The following LMTK2 variants were observed in gnomAD, a reference collection of about 807,000 sequenced individuals.
LMTK2 encodes lemur tail kinase 2.
Under a neutral mutation model 127.5 loss-of-function variants are expected in LMTK2, and 37 were observed. The ratio of observed to expected loss-of-function variants is 0.29; its 90% CI spans 0.22 to 0.38. The LOEUF (loss-of-function observed/expected upper bound fraction) is 0.38. Among genes scored for constraint, LMTK2 ranks in the 10% least tolerant of loss-of-function variants. The pLI is 1.00. For missense variants in LMTK2, 1,694 were observed against 1,920.3 expected (o/e 0.88, Z 2.20); for synonymous variants, 819 against 810.1 (o/e 1.01, Z -0.19).
chr7:98,185,189 G>A (rs539117119), intron 8 of LMTK2, 54 bp downstream of exon 8: 5 of 1,263,926 alleles, frequency 4.0e-6, no homozygotes, highest in Admixed American at 3.5e-5. Flanking sequence ...TTGTGAAGTT[G>A]TAATGTCACC....
intron 1 of LMTK2, among the ~76,000 whole-genome samples, chr7:98,127,265 A>G (rs552301849): frequency 6.6e-6 from 1 of 152,276 alleles, no homozygotes; most frequent in Non-Finnish European, 1.5e-5. Context: ...TCTGGGCTGC[A>G]GTGCTACTTG....
At chr7:98,114,048 G>A (rs147327767) in intron 1 of LMTK2, among the ~76,000 whole-genome samples, 9 of 151,540 alleles carry the variant, frequency 5.9e-5, no homozygotes, top group Non-Finnish European at 1.2e-4. Flanking sequence ...TCAGGTACCC[G>A]CAGCCACAGC....
intron 2 of LMTK2, 35 bp from the exon 3 acceptor site, chr7:98,141,362 C>T: frequency 6.3e-7 from 1 of 1,594,642 alleles, no homozygotes; most frequent in Non-Finnish European, 8.6e-7. Flanking sequence ...AAATGTTAGC[C>T]AATGGTTTTT....
intron 3 of LMTK2, among the ~76,000 whole-genome samples, chr7:98,145,778 G>A (rs554859912): frequency 6.6e-6 from 1 of 152,224 alleles, no homozygotes; most frequent in South Asian, 2.1e-4. Context: ...TCTCTTAATA[G>A]TGTCCTTTGA....
chr7:98,167,777 G>A (rs1030757074), intron 6 of LMTK2, among the ~76,000 whole-genome samples: 3 of 152,174 alleles, frequency 2.0e-5, no homozygotes, highest in East Asian at 3.9e-4. Flanking sequence ...ACCCCTGGTC[G>A]GGGAGCGCCC....
rs754854180 is a variant in LMTK2 at position 98,143,039 on chromosome 7, A to G, written c.376+1498A>G. On this transcript the variant is annotated intron_variant, in intron 3 of 13. Coordinates refer to ENST00000297293, the MANE Select transcript of LMTK2 (RefSeq NM_014916.4). ...GGATGCAGAGCCATCACTGGTCAGG[A>G]AGGTGGGGACAGACAGACAGCTTCT... 1.2e-4 allele frequency among the ~76,000 whole-genome samples: 18 copies of G among 152,296 alleles called. 1 individual carries two copies. The South Asian group carries it at 2.9e-3, about 25-fold the overall frequency.
intron 7 of LMTK2, among the ~76,000 whole-genome samples, chr7:98,181,036 T>C (rs574756124): frequency 1.3e-5 from 2 of 152,120 alleles, no homozygotes; most frequent in South Asian, 4.2e-4. Context: ...CACAGTGATA[T>C]CAGTATCAAG....
chr7:98,137,536 C>G (rs1408521101), intron 2 of LMTK2, 94 bp downstream of exon 2: 8 of 1,273,624 alleles, frequency 6.3e-6, no homozygotes, highest in Non-Finnish European at 8.5e-6. Flanking sequence ...ACAGGATCAG[C>G]AGATTTTTTT....
intron 7 of LMTK2, among the ~76,000 whole-genome samples, chr7:98,183,374 A>G (rs1220049583): frequency 6.6e-6 from 1 of 152,040 alleles, no homozygotes; most frequent in Non-Finnish European, 1.5e-5. Context: ...ACTCCCTTAT[A>G]TGGAATTTCA....
intron 2 of LMTK2, among the ~76,000 whole-genome samples, chr7:98,138,103 T>C (rs538672562): frequency 6.6e-6 from 1 of 152,342 alleles, no homozygotes; most frequent in South Asian, 2.1e-4. Context: ...GGAAGGCCTC[T>C]AGAACTTACT....
chr7:98,168,583 T>G (rs1453833265), intron 6 of LMTK2, among the ~76,000 whole-genome samples: 1 of 152,260 alleles, frequency 6.6e-6, no homozygotes, highest in Non-Finnish European at 1.5e-5. Context: ...GTTCTAAAGC[T>G]ATTTACTTGT....
In LMTK2 at chr7:98,192,418, A is replaced by T; in HGVS notation, c.1953A>T (p.Ile651=). 6.2e-7 allele frequency: 1 copy of T among 1,611,326 alleles called. No homozygotes were observed. Among genetic ancestry groups the T allele is most frequent in the Non-Finnish European group, 8.5e-7 (1 of 1,179,426 alleles). Residue 651 remains isoleucine, a synonymous_variant, in exon 11 of 14, where the codon ATA becomes ATT. Coordinates refer to ENST00000297293, the MANE Select transcript of LMTK2 (RefSeq NM_014916.4). ...KSEDLPSHQK[I]FDLMELNGVQ... is the part of the protein sequence containing the mutation. ...AAGATTTGCCCAGTCACCAAAAAAT[A>T]TTCGACTTAATGGAATTAAACGGAG...
At chr7:98,161,969 G>A (rs985404295) in intron 6 of LMTK2, among the ~76,000 whole-genome samples, 3 of 152,118 alleles carry the variant, frequency 2.0e-5, no homozygotes, top group African/African-American at 4.8e-5. Flanking sequence ...CCCGTTTCCC[G>A]GCTGATGGAG....
intron 6 of LMTK2, among the ~76,000 whole-genome samples, chr7:98,170,973 C>T (rs1319311528): frequency 6.6e-6 from 1 of 152,080 alleles, no homozygotes; most frequent in Non-Finnish European, 1.5e-5. Flanking sequence ...CTGAAATGTT[C>T]TTTCTCTTCA....
chr7:98,180,006 G>A (rs1797331790), intron 7 of LMTK2, among the ~76,000 whole-genome samples: 1 of 152,218 alleles, frequency 6.6e-6, no homozygotes, highest in Admixed American at 6.5e-5. Context: ...CTGCCTCAGT[G>A]TCCATATTTG....
chr7:98,137,494 A>G (rs750250364), intron 2 of LMTK2, 52 bp downstream of exon 2: 28 of 1,562,284 alleles, frequency 1.8e-5, no homozygotes, highest in Middle Eastern at 1.7e-4. Flanking sequence ...ATGTTTTTCA[A>G]TAGAATAACT....
chr7:98,186,865 C>G lies in LMTK2; in HGVS notation c.877-12C>G. ...TTCTATTCAAAATTCTGTGTGCTTT[C>G]TAACAAAACAGGAGGATTATATTGA... On this transcript the variant is annotated splice_polypyrimidine_tract_variant and intron_variant, in intron 8 of 13. Transcript: ENST00000297293. 2 of 1,608,668 alleles carry G rather than the reference C, an allele frequency of 1.2e-6. No individual in the cohort carries two copies. The highest frequency in any genetic ancestry group is 1.7e-6 in the Non-Finnish European group (2 of 1,177,060).
intron 7 of LMTK2, among the ~76,000 whole-genome samples, chr7:98,183,810 C>T (rs191538977): frequency 4.8e-4 from 73 of 152,328 alleles, no homozygotes; most frequent in African/African-American, 1.7e-3. Flanking sequence ...GCTGGGATTA[C>T]AGGTGTGAGC....
Position 98,191,854 on chromosome 7 carries a change from C to T in LMTK2, c.1389C>T (p.Leu463=). ...TGGGTCGTGAAATGGAGGAAGTCCT[C>T]ACCGTGACCGAAACCAGCCAGGGCC... The part of the protein sequence containing the change: ...DRLGREMEEV[L]TVTETSQGLS... The change falls in exon 11 of 14, where the codon CTC becomes CTT. Residue 463 remains leucine, a synonymous_variant. Coordinates refer to ENST00000297293, the MANE Select transcript of LMTK2 (RefSeq NM_014916.4). 6.2e-7 allele frequency: 1 copy of T among 1,614,206 alleles called. No individual in the cohort carries two copies. The highest frequency in any genetic ancestry group is 8.5e-7 in the Non-Finnish European group (1 of 1,180,036).
Sources: gnomAD v4.1 joint callset for allele counts (sites outside exome capture counted in the v4.1 genomes callset) on GRCh38, gnomAD v4.1.1 for gene constraint, MANE v1.5 for transcripts, NCBI Gene and HGNC (gene_info 2026-07-23, HGNC 2026-07-21) for gene names.